TIAM2: variants seen among roughly 807,000 people sequenced by gnomAD.
TIAM2 encodes the protein TIAM Rac1 associated GEF 2.
TIAM2 carries 80 observed loss-of-function variants against 152.9 expected under a neutral mutation model. The observed-to-expected ratio is 0.52, with a 90% CI of 0.44 to 0.63. The LOEUF (loss-of-function observed/expected upper bound fraction) is 0.63, where lower values mean the gene tolerates loss of function less well. Among genes scored for constraint, TIAM2 ranks in the 30% least tolerant of loss-of-function variants. The pLI, the probability that TIAM2 is intolerant of heterozygous loss-of-function variation, is 0.00. For missense variants in TIAM2, 1,965 were observed against 2,120.1 expected, an observed-to-expected ratio of 0.93 and a Z score of 1.44; for synonymous variants, 804 against 838.0, an observed-to-expected ratio of 0.96 and a Z score of 0.70.
chr6:155,085,572 A>C (rs1778156396), intron 1 of TIAM2, among the ~76,000 whole-genome samples: 1 of 152,172 alleles, frequency 6.6e-6, no homozygotes, highest in Non-Finnish European at 1.5e-5. Flanking sequence ...TTAAAAAAAA[A>C]AACAACTTTG....
chr6:155,189,898 A>T lies in TIAM2; in HGVS notation c.3064+6398A>T, dbSNP rs538652208. ...TTTGATCTCAGCGCTGCAGTTGGAC[A>T]GGCCATGGACCTGGAGGTGTGTGGT... On this transcript the variant is annotated intron_variant, in intron 14 of 26. Coordinates refer to ENST00000682666, the MANE Select transcript of TIAM2 (RefSeq NM_012454.4). Among the ~76,000 whole-genome samples, 18 of 152,248 alleles carry T rather than the reference A, an allele frequency of 1.2e-4. No homozygotes were observed. In the East Asian group the frequency reaches 3.5e-3, roughly 29 times the overall value.
chr6:155,114,147 A>G (rs2115012846), intron 2 of TIAM2, among the ~76,000 whole-genome samples: 1 of 139,382 alleles, frequency 7.2e-6, no homozygotes, highest in Admixed American at 7.6e-5. Flanking sequence ...TCTGCCTCTC[A>G]GGTTCAAGTG....
intron 1 of TIAM2, among the ~76,000 whole-genome samples, chr6:155,054,591 T>G (rs369438195): frequency 2.7e-5 from 4 of 149,628 alleles, no homozygotes; most frequent in African/African-American, 1.0e-4. Flanking sequence ...TGTTTTGTTT[T>G]TTTTTTTTGA....
Position 155,214,244 on chromosome 6 carries a change from G to A in TIAM2, c.3168+2937G>A, listed in dbSNP as rs1383026564. Among the ~76,000 whole-genome samples the A allele has an allele frequency of 6.6e-6, 1 of 152,242 alleles. No individual in the cohort carries two copies. Among genetic ancestry groups the A allele is most frequent in the African/African-American group, 2.4e-5 (1 of 41,478 alleles). ...GGCCGTGCCTCCCCCGGTGCAGCCG[G>A]CATCATCGCAGTGACTGTTCCAGAT... is the stretch of plus-strand genomic sequence containing the variant. On this transcript the variant is annotated intron_variant, in intron 15 of 26. Transcript: ENST00000682666. This position sits in a 1 kb window ranked among gnomAD's most constrained non-coding sequence, Gnocchi z 5.4.
chr6:155,004,515 C>T (rs1457492801), intron 1 of TIAM2, among the ~76,000 whole-genome samples: 2 of 152,024 alleles, frequency 1.3e-5, no homozygotes, highest in Admixed American at 6.6e-5. Context: ...CTCAGCCTCC[C>T]GAGTAGCTGG....
chr6:155,077,037 A>C (rs1386868316), intron 1 of TIAM2, among the ~76,000 whole-genome samples: 1 of 152,164 alleles, frequency 6.6e-6, no homozygotes, highest in Non-Finnish European at 1.5e-5. Context: ...TATTTCACAT[A>C]CATAACGTTT....
chr6:155,172,671 T>TAGATATATAG (rs1376677816), intron 9 of TIAM2, among the ~76,000 whole-genome samples: 191 of 11,178 alleles, frequency 0.017, 1 homozygote, highest in African/African-American at 0.063. Flanking sequence ...TATATATATA[T>TAGATATATAG]ATATATATAT....
In TIAM2 at chr6:155,251,025, A is replaced by G; in HGVS notation, c.4060+4A>G. On this transcript the variant is annotated splice_donor_region_variant and intron_variant, in intron 22 of 26. Coordinates refer to ENST00000682666, the MANE Select transcript of TIAM2 (RefSeq NM_012454.4). ...GACCTTGAGCTCACAGTATTTGGTT[A>G]GTATTCCATTCAGAAGAATGCAGAC... The G allele has an allele frequency of 6.2e-7, 1 of 1,612,954 alleles. No individual in the cohort carries two copies. Among genetic ancestry groups the G allele is most frequent in the Non-Finnish European group, 8.5e-7 (1 of 1,178,958 alleles).
intron 1 of TIAM2, among the ~76,000 whole-genome samples, chr6:155,066,434 C>T (rs1398014651): frequency 6.6e-6 from 1 of 152,206 alleles, no homozygotes; most frequent in Non-Finnish European, 1.5e-5. Context: ...CTGCCTGTAC[C>T]GTGTCACCGC....
intron 1 of TIAM2, among the ~76,000 whole-genome samples, chr6:155,008,849 T>G (rs916410142): frequency 2.0e-5 from 3 of 152,212 alleles, no homozygotes; most frequent in African/African-American, 4.8e-5. Context: ...GAAACCTTAC[T>G]GTGATGTGTT....
intron 1 of TIAM2, among the ~76,000 whole-genome samples, chr6:155,071,578 G>A (rs1220692274): frequency 1.3e-5 from 2 of 152,162 alleles, no homozygotes; most frequent in African/African-American, 4.8e-5. Flanking sequence ...CTTGAACAGA[G>A]ATCTGTGCAA....
At chr6:155,184,622 A>G (rs1021463601) in intron 14 of TIAM2, among the ~76,000 whole-genome samples, 1 of 152,188 alleles carries the variant, frequency 6.6e-6, no homozygotes, top group East Asian at 1.9e-4. Flanking sequence ...TGGATTTCCA[A>G]TTGAAATCTC....
chr6:155,196,356 T>C (rs1781347012), intron 14 of TIAM2, among the ~76,000 whole-genome samples: 1 of 152,164 alleles, frequency 6.6e-6, no homozygotes, highest in Non-Finnish European at 1.5e-5. Flanking sequence ...TGTTGAATAT[T>C]TCACCTGCTT....
At chr6:155,095,478 T>A (rs1020611511) in intron 2 of TIAM2, among the ~76,000 whole-genome samples, 1 of 152,110 alleles carries the variant, frequency 6.6e-6, no homozygotes, top group African/African-American at 2.4e-5. Context: ...AAAGACTGAT[T>A]AGTGGAATTT....
At chr6:155,169,016 G>A (rs1780510929) in intron 9 of TIAM2, 3 of 1,184,212 alleles carry the variant, frequency 2.5e-6, no homozygotes, top group Non-Finnish European at 3.5e-6. Context: ...TTGTTTTTGA[G>A]ACGGAGTCTG....
chr6:155,054,784 C>T (rs959735563), intron 1 of TIAM2, among the ~76,000 whole-genome samples: 2 of 152,014 alleles, frequency 1.3e-5, no homozygotes, highest in Non-Finnish European at 2.9e-5. Context: ...CAATAAAGTA[C>T]TTAAGGTTGT....
chr6:155,112,252 A>G lies in TIAM2; in HGVS notation c.-117-15238A>G, dbSNP rs540803223. On this transcript the variant is annotated intron_variant, in intron 2 of 26. Transcript: ENST00000682666. The stretch of plus-strand genomic sequence containing the variant: ...GTGATTCTCCTGCCTCAGCCTCCCA[A>G]GCAGCTGGGATTACAGGCATGCGCC... 2.7e-3 allele frequency among the ~76,000 whole-genome samples: 410 copies of G among 151,456 alleles called. 1 individual carries two copies. Among genetic ancestry groups the G allele is most frequent in the African/African-American group, 9.3e-3 (382 of 41,192 alleles).
rs1227281213 is a variant in TIAM2, at chr6:155,027,568, TATATA to T, written c.-209+32082_-209+32086del. Among the ~76,000 whole-genome samples, 14 of 103,928 alleles carry T rather than the reference TATATA, an allele frequency of 1.3e-4. 1 individual carries two copies. The highest frequency in any genetic ancestry group is 6.8e-4 in the East Asian group (3 of 4,444). The allele number at this position is 103,928 out of a possible 152,430, so 68.2% of individuals were successfully genotyped here. A position where few individuals can be genotyped will look rare whatever the true frequency, so the allele number is the denominator to read the frequency against. On this transcript the variant is annotated intron_variant, in intron 1 of 26. Transcript: ENST00000682666. ...TATATACTGTGTTACATATATACTA[TATATA>T]ATATATGTACTGTGTTACATATATA...
intron 15 of TIAM2, among the ~76,000 whole-genome samples, chr6:155,215,753 G>A (rs1301899847): frequency 2.8e-5 from 4 of 140,792 alleles, no homozygotes; most frequent in Admixed American, 1.4e-4. Context: ...TGGAAACATC[G>A]TGTTATATCT....
Sources: allele counts gnomAD v4.1 joint callset (sites outside exome capture counted in the v4.1 genomes callset), GRCh38; gene constraint gnomAD v4.1.1; non-coding constraint Gnocchi (gnomAD v3.1); transcripts MANE v1.5; gene names NCBI Gene and HGNC (gene_info 2026-07-23, HGNC 2026-07-21).